Variants in ANK3 observed in about 807,000 individuals in gnomAD.
ANK3 encodes ankyrin 3.
A neutral mutation model predicts 370.9 loss-of-function variants in ANK3; 57 were observed. That is an observed-to-expected ratio of 0.15 (90% CI 0.12 to 0.19). ANK3 has a LOEUF of 0.19. Ranked by LOEUF, ANK3 falls within the 10% of genes least tolerant of loss-of-function variation. The pLI, the probability that ANK3 is intolerant of heterozygous loss-of-function variation, is 1.00. For missense variants in ANK3, 4,439 were observed against 5,302.1 expected (o/e 0.84, Z 5.06); for synonymous variants, 1,929 against 1,946.3 (o/e 0.99, Z 0.23).
intron 2 of ANK3, among the ~76,000 whole-genome samples, chr10:60,525,983 A>T (rs916311096): frequency 2.0e-5 from 3 of 152,102 alleles, no homozygotes; most frequent in Non-Finnish European, 4.4e-5. Flanking sequence ...GATTGCAGAG[A>T]AAGGATATTT....
At chr10:60,080,257 T>C (rs1404575999) in intron 36 of ANK3, among the ~76,000 whole-genome samples, 1 of 152,182 alleles carries the variant, frequency 6.6e-6, no homozygotes. Context: ...GCATAGTTAA[T>C]CAAAGTAAAA....
chr10:60,442,096 C>CTTT lies in ANK3; in HGVS notation c.97-162460_97-162458dup, dbSNP rs34573283. ...TAATCTATACACATCCTCCCATATA[C>CTTT]TTTTTTTTTTTTTTTTTGAGATGGA... On this transcript the variant is annotated intron_variant, in intron 2 of 43. Coordinates refer to the ANK3 transcript ENST00000373827. 5.2e-3 allele frequency among the ~76,000 whole-genome samples: 699 copies of CTTT among 134,962 alleles called. 11 individuals carry two copies. The highest frequency in any genetic ancestry group is 0.016 in the African/African-American group (563 of 35,750). 88.5% of individuals were successfully genotyped at this position (134,962 alleles called of 152,430 possible).
intron 2 of ANK3, among the ~76,000 whole-genome samples, chr10:60,570,840 G>A (rs1418734538): frequency 6.6e-6 from 1 of 152,006 alleles, no homozygotes; most frequent in Non-Finnish European, 1.5e-5. Context: ...AAATTTCAAG[G>A]TAGAGAGAGG....
At chr10:60,295,359 C>T (rs1361430363) in intron 1 of ANK3, among the ~76,000 whole-genome samples, 1 of 152,150 alleles carries the variant, frequency 6.6e-6, no homozygotes, top group Non-Finnish European at 1.5e-5. Context: ...ACTCAGAGGG[C>T]TGTTGATATT....
rs751490583 is a variant in ANK3 at position 60,071,093 on chromosome 10, T to A, written c.9788A>T (p.Asp3263Val). The change falls in exon 37 of 44, where the codon GAC becomes GTC. Residue 3263 changes from aspartate to valine, a missense_variant. This residue lies in a region of ANK3 where 1,601 missense variants were observed against 1,731.7 expected (regional missense o/e 0.92). Transcript: ENST00000280772. The part of the protein sequence containing the change: ...EFPPPPPLDA[D>V]QIESDKKHHY... ...ATGCTTCTTATCTGACTCAATCTGG[T>A]CCGCATCCAGTGGTGGAGGAGGGGG... 6.2e-6 allele frequency: 10 copies of A among 1,614,020 alleles called. No homozygotes were observed. The Middle Eastern group carries it at 6.6e-4, about 106-fold the overall frequency.
chr10:60,285,122 G>T (rs1026846875), intron 1 of ANK3, among the ~76,000 whole-genome samples: 1 of 152,088 alleles, frequency 6.6e-6, no homozygotes, highest in Non-Finnish European at 1.5e-5. Flanking sequence ...CTGCATTTCA[G>T]CTATTCTACC....
chr10:60,174,719 A>T (rs2095878952), intron 18 of ANK3, among the ~76,000 whole-genome samples: 1 of 152,132 alleles, frequency 6.6e-6, no homozygotes, highest in Non-Finnish European at 1.5e-5. Flanking sequence ...TTGATTAGGT[A>T]TATATAGTTG....
At chr10:60,626,624 C>T (rs1375471611) in intron 1 of ANK3, among the ~76,000 whole-genome samples, 1 of 152,034 alleles carries the variant, frequency 6.6e-6, no homozygotes, top group African/African-American at 2.4e-5. Flanking sequence ...GCATTAAAGC[C>T]CTGGATAGGT....
At chr10:60,417,816 C>G (rs1463413508) in intron 2 of ANK3, among the ~76,000 whole-genome samples, 1 of 152,026 alleles carries the variant, frequency 6.6e-6, no homozygotes, top group Non-Finnish European at 1.5e-5. Flanking sequence ...TCTTGAATAC[C>G]CTTGGATCCC....
chr10:60,296,893 T>A (rs1378873662), intron 1 of ANK3, among the ~76,000 whole-genome samples: 1 of 152,202 alleles, frequency 6.6e-6, no homozygotes, highest in Non-Finnish European at 1.5e-5. Context: ...GGTGGGAGGA[T>A]CGCTTGAACC....
intron 2 of ANK3, among the ~76,000 whole-genome samples, chr10:60,472,576 T>G (rs2065244841): frequency 6.6e-6 from 1 of 152,216 alleles, no homozygotes; most frequent in Non-Finnish European, 1.5e-5. Context: ...GAGCTCTATT[T>G]CAGAGAGTGA....
intron 1 of ANK3, among the ~76,000 whole-genome samples, chr10:60,715,843 A>C (rs2079779211): frequency 8.2e-6 from 1 of 122,566 alleles, no homozygotes; most frequent in African/African-American, 3.2e-5. Flanking sequence ...TGAAGATCAC[A>C]GGTTTGAAAC....
intron 43 of ANK3, among the ~76,000 whole-genome samples, chr10:60,037,260 T>A (rs7100478): frequency 0.32 from 49,241 of 151,916 alleles, 9,911 homozygotes; most frequent in African/African-American, 0.57. Flanking sequence ...GTGTTTTTTT[T>A]AAAGAGGGAA....
At chr10:60,447,345 T>C (rs1442215782) in intron 2 of ANK3, among the ~76,000 whole-genome samples, 3 of 152,196 alleles carry the variant, frequency 2.0e-5, no homozygotes, top group Non-Finnish European at 4.4e-5. Context: ...AGGATGGTGA[T>C]GGTTCAGGAA....
chr10:60,717,273 A>AGG (rs34491082), intron 1 of ANK3, among the ~76,000 whole-genome samples: 44,524 of 151,802 alleles, frequency 0.29, 6,990 homozygotes, highest in South Asian at 0.48. Flanking sequence ...CAAAAAATAA[A>AGG]GGGTGCATAA....
At chr10:60,367,295 G>C (rs542453697) in intron 1 of ANK3, among the ~76,000 whole-genome samples, 1 of 152,288 alleles carries the variant, frequency 6.6e-6, no homozygotes, top group African/African-American at 2.4e-5. Flanking sequence ...TCATCAGACT[G>C]CCTTTATGAA....
In ANK3 at chr10:60,168,399, T is replaced by C. The variant is rs115018442; in HGVS notation, c.2479-1503A>G. 3.2e-3 allele frequency among the ~76,000 whole-genome samples: 484 copies of C among 152,262 alleles called. 1 individual carries two copies. The highest frequency in any genetic ancestry group is 0.011 in the African/African-American group (457 of 41,544). On this transcript the variant is annotated intron_variant, in intron 21 of 43. Transcript: ENST00000280772. ...CAACATTGATACATTATTATTAAAG[T>C]TTATATTTTATTCATTTTTCTTTAG...
rs201585529 is a variant in ANK3 at position 60,157,039 on chromosome 10, C to CTTTT, written c.2614+9548_2614+9551dup. On this transcript the variant is annotated intron_variant, in intron 23 of 43. Transcript: ENST00000280772. Reference sequence around the variant, plus strand: ...GCTGTCTTGTGGAAGCTCAATGAATCTTTTTTTTTTTTTTCGAGATAGAGT... The same window carrying CTTTT: ...GCTGTCTTGTGGAAGCTCAATGAATCTTTTTTTTTTTTTTTTTTCGAGATAGAGT... 2.8e-3 allele frequency among the ~76,000 whole-genome samples: 394 copies of CTTTT among 142,332 alleles called. 2 individuals are homozygous for CTTTT. Among genetic ancestry groups the CTTTT allele is most frequent in the South Asian group, 0.011 (50 of 4,446 alleles). 93.4% of individuals were successfully genotyped at this position (142,332 alleles called of 152,430 possible).
chr10:60,551,643 CAAAGAA>C (rs913404994), intron 2 of ANK3, among the ~76,000 whole-genome samples: 3 of 152,076 alleles, frequency 2.0e-5, no homozygotes, highest in African/African-American at 7.2e-5. Context: ...AAATTTAACA[CAAAGAA>C]AAACACTGTC....
Sources: allele counts gnomAD v4.1 joint callset (sites outside exome capture counted in the v4.1 genomes callset), GRCh38; gene constraint gnomAD v4.1.1; regional missense constraint gnomAD v4.1.1; transcripts MANE v1.5; gene names NCBI Gene and HGNC (gene_info 2026-07-23, HGNC 2026-07-21).